POLH: variants seen among roughly 807,000 people sequenced by gnomAD.
POLH encodes DNA polymerase eta transcript.
POLH carries 53 observed loss-of-function variants against 73.6 expected under a neutral mutation model. That is an observed-to-expected ratio of 0.72 (90% CI 0.58 to 0.91). POLH has a LOEUF of 0.91. Among genes scored for constraint, POLH ranks in the 40% least tolerant of loss-of-function variants. The probability of loss-of-function intolerance (pLI) is 0.00; values close to 1 mark genes in which losing one functional copy is unlikely to be tolerated. For synonymous variants in POLH, 292 were observed against 308.5 expected, an observed-to-expected ratio of 0.95 and a Z score of 0.56; for missense variants, 768 against 865.4, an observed-to-expected ratio of 0.89 and a Z score of 1.41.
intron 1 of POLH, chr6:43,578,311 C>CG (rs1344585277): frequency 9.2e-6 from 3 of 326,442 alleles, no homozygotes; most frequent in Non-Finnish European, 1.8e-5. Context: ...CGCTTGAACC[C>CG]GGGAGGCGTA....
At chr6:43,593,777 G>C (rs1003439850) in intron 4 of POLH, among the ~76,000 whole-genome samples, 5 of 151,624 alleles carry the variant, frequency 3.3e-5, no homozygotes, top group Non-Finnish European at 7.4e-5. Context: ...CTTTTCGGGA[G>C]GGTAAGGCAG....
At position 43,619,254 on chromosome 6, in the gene POLH, C is replaced by T. The variant is rs1025488999; in HGVS notation, c.*4697C>T. ...TGGCTTATGCCTGTAGTCGTACCTA[C>T]TCAGGAGGCTGAGGTTGGGAGGATC... On this transcript the variant is annotated 3_prime_UTR_variant, in exon 11 of 11. Transcript: ENST00000372236. Among the ~76,000 whole-genome samples, 1 of 149,516 alleles carries T rather than the reference C, an allele frequency of 6.7e-6. No homozygotes were observed. Among genetic ancestry groups the T allele is most frequent in the African/African-American group, 2.5e-5 (1 of 40,594 alleles).
intron 9 of POLH, among the ~76,000 whole-genome samples, chr6:43,609,576 C>T (rs1432798804): frequency 2.0e-5 from 3 of 152,172 alleles, no homozygotes; most frequent in Non-Finnish European, 4.4e-5. Flanking sequence ...TCAGACTTCA[C>T]TGAAAAGTGA....
In POLH at chr6:43,618,702, C is replaced by T. The variant is rs954708818; in HGVS notation, c.*4145C>T. 1.2e-4 allele frequency among the ~76,000 whole-genome samples: 19 copies of T among 152,184 alleles called. No homozygotes were observed. Among genetic ancestry groups the T allele is most frequent in the Admixed American group, 9.8e-4 (15 of 15,280 alleles). Reference sequence around the variant, plus strand: ...CTGGAATGCAATGGCACGATCTCGGCTCACTGCAACCTCCGCCTCCCGGGT... The same window carrying T: ...CTGGAATGCAATGGCACGATCTCGGTTCACTGCAACCTCCGCCTCCCGGGT... On this transcript the variant is annotated 3_prime_UTR_variant, in exon 11 of 11. Coordinates refer to ENST00000372236, the MANE Select transcript of POLH (RefSeq NM_006502.3).
intron 2 of POLH, among the ~76,000 whole-genome samples, chr6:43,582,776 G>A (rs968474940): frequency 6.6e-6 from 1 of 152,158 alleles, no homozygotes; most frequent in Non-Finnish European, 1.5e-5. Context: ...TGAACTCCCG[G>A]CCTCAAGCAG....
In POLH at chr6:43,610,543, T is replaced by C; in HGVS notation, c.1075-11T>C. 3 of 1,613,096 alleles carry C rather than the reference T, an allele frequency of 1.9e-6. No individual in the cohort carries two copies. The African/African-American group carries it at 4.0e-5, about 22-fold the overall frequency. ...AACTTTATTTCTGGTCTCCATCCTT[T>C]CCACCCACAGAATGACAGGGTAGCC... On this transcript the variant is annotated splice_polypyrimidine_tract_variant and intron_variant, in intron 9 of 10. Transcript: ENST00000372236.
Position 43,618,607 on chromosome 6 carries a change from A to C in POLH, c.*4050A>C, listed in dbSNP as rs1393901550. 6.6e-6 allele frequency among the ~76,000 whole-genome samples: 1 copy of C among 152,164 alleles called. No homozygotes were observed. Among genetic ancestry groups the C allele is most frequent in the Admixed American group, 6.5e-5 (1 of 15,270 alleles). On this transcript the variant is annotated 3_prime_UTR_variant, in exon 11 of 11. Coordinates refer to ENST00000372236, the MANE Select transcript of POLH (RefSeq NM_006502.3). ...GTGAAGTGGGCCCAGAGAATGGTGT[A>C]CACATCCCTCCCATACATATACCCA...
intron 4 of POLH, among the ~76,000 whole-genome samples, chr6:43,591,561 C>T (rs1360066510): frequency 6.6e-6 from 1 of 151,948 alleles, no homozygotes; most frequent in African/African-American, 2.4e-5. Context: ...TCAAGTTATC[C>T]ATCTGCCTTG....
chr6:43,613,333 T>C (rs1240507082), intron 10 of POLH, among the ~76,000 whole-genome samples: 9 of 152,196 alleles, frequency 5.9e-5, no homozygotes, highest in Non-Finnish European at 1.3e-4. Flanking sequence ...ACAGCAGCTT[T>C]CCAGTGGTAC....
chr6:43,580,979 C>T (rs1386082983), intron 1 of POLH, among the ~76,000 whole-genome samples: 825 of 131,650 alleles, frequency 6.3e-3, no homozygotes, highest in African/African-American at 0.019. Context: ...GGCGGCTGGC[C>T]GGGCGGGGGG....
chr6:43,610,131 G>C (rs1767742006), intron 9 of POLH, among the ~76,000 whole-genome samples: 1 of 130,076 alleles, frequency 7.7e-6, no homozygotes, highest in Admixed American at 9.6e-5. Flanking sequence ...GCACCATCTT[G>C]GCTCACTGCA....
intron 2 of POLH, among the ~76,000 whole-genome samples, chr6:43,582,745 C>T (rs1561897329): frequency 6.6e-6 from 1 of 152,170 alleles, no homozygotes; most frequent in African/African-American, 2.4e-5. Context: ...GCAGGGCTCA[C>T]TATATTGCCC....
At chr6:43,602,828 C>T (rs921427063) in intron 6 of POLH, among the ~76,000 whole-genome samples, 2 of 151,386 alleles carry the variant, frequency 1.3e-5, no homozygotes, top group Non-Finnish European at 2.9e-5. Flanking sequence ...CCACTACGCC[C>T]GACTAATTTT....
intron 4 of POLH, among the ~76,000 whole-genome samples, chr6:43,589,081 G>T (rs886582233): frequency 2.0e-5 from 3 of 150,206 alleles, no homozygotes; most frequent in Non-Finnish European, 4.4e-5. Context: ...CTTGTGATCC[G>T]CCCGCCTCGG....
rs370122518 is a variant in POLH, at chr6:43,578,390, AAAC to A, written c.-5+1965_-5+1967del. On this transcript the variant is annotated intron_variant, in intron 1 of 10. Transcript: ENST00000372236. ...CAACGAGAACGAAACTCTAACTCAA[AAAC>A]AACAACAACAACAAAAAACTCATGC... 1,108 of 436,442 alleles carry A rather than the reference AAAC, an allele frequency of 2.5e-3. 4 individuals carry two copies. Among genetic ancestry groups the A allele is most frequent in the Admixed American group, 5.1e-3 (194 of 37,872 alleles). 27.0% of individuals were successfully genotyped at this position (436,442 alleles called of 1,614,324 possible).
chr6:43,580,617 G>C (rs1763975327), intron 1 of POLH, among the ~76,000 whole-genome samples: 5 of 132,584 alleles, frequency 3.8e-5, no homozygotes, highest in African/African-American at 1.5e-4. Flanking sequence ...GGGCGGCCGG[G>C]CAGAGGCGCC....
intron 1 of POLH, among the ~76,000 whole-genome samples, chr6:43,578,141 C>T (rs890566040): frequency 7.2e-5 from 11 of 151,892 alleles, no homozygotes; most frequent in African/African-American, 9.7e-5. Flanking sequence ...AATCCCAGCA[C>T]TTTGGGAGGC....
rs761738075 is a variant in POLH at position 43,614,065 on chromosome 6, T to C, written c.1650T>C (p.Ser550=). The change falls in exon 11 of 11, where the codon TCT becomes TCC. Residue 550 remains serine (S), a synonymous_variant. Coordinates refer to ENST00000372236, the MANE Select transcript of POLH (RefSeq NM_006502.3). Reference sequence around the variant, plus strand: ...AACAGCTTAATAATTCTTCAGTTTCTTCCCCCCAACAAAACCCATGGTCCA... The same window carrying C: ...AACAGCTTAATAATTCTTCAGTTTCCTCCCCCCAACAAAACCCATGGTCCA... ...KQKQLNNSSV[S]SPQQNPWSNC... 3.7e-6 allele frequency: 6 copies of C among 1,614,212 alleles called. No individual in the cohort carries two copies. The East Asian group carries it at 1.3e-4, about 36-fold the overall frequency.
chr6:43,596,408 G>A (rs1015390271), intron 4 of POLH, among the ~76,000 whole-genome samples: 2 of 151,732 alleles, frequency 1.3e-5, no homozygotes, highest in South Asian at 2.1e-4. Flanking sequence ...GTGTGAACCC[G>A]GCAGGCAGAG....
Sources: gnomAD v4.1 joint callset for allele counts (sites outside exome capture counted in the v4.1 genomes callset) on GRCh38, gnomAD v4.1.1 for gene constraint, MANE v1.5 for transcripts, NCBI Gene and HGNC (gene_info 2026-07-23, HGNC 2026-07-21) for gene names.